CAMK2D: variants seen among roughly 807,000 people sequenced by gnomAD.
CAMK2D encodes the protein calcium/calmodulin-dependent protein kinase type II subunit delta.
CAMK2D carries 37 observed loss-of-function variants against 84.0 expected under a neutral mutation model. The observed-to-expected ratio is 0.44, with a 90% confidence interval of 0.34 to 0.58. The LOEUF (loss-of-function observed/expected upper bound fraction) is 0.58, where lower values mean the gene tolerates loss of function less well. CAMK2D is among the 20% of genes least tolerant of loss of function. The pLI, the probability that CAMK2D is intolerant of heterozygous loss-of-function variation, is 0.02. For missense variants in CAMK2D, 448 were observed against 652.5 expected (o/e 0.69, Z 3.41); for synonymous variants, 202 against 212.5 (o/e 0.95, Z 0.43).
chr4:113,462,310 G>GTCTA (rs1328480311), intron 17 of CAMK2D, among the ~76,000 whole-genome samples: 48 of 109,036 alleles, frequency 4.4e-4, no homozygotes, highest in Admixed American at 9.7e-4. Flanking sequence ...CTGTCTGTCT[G>GTCTA]TCTGTCTGTC....
At chr4:113,513,568 G>A (rs752162894) in intron 11 of CAMK2D, among the ~76,000 whole-genome samples, 198 bp from the exon 12 acceptor site, 1 of 152,068 alleles carries the variant, frequency 6.6e-6, no homozygotes, top group African/African-American at 2.4e-5. Context: ...CCTAGTGTGC[G>A]GGCCAGATTC....
At chr4:113,611,022 C>T (rs2154267976) in intron 3 of CAMK2D, among the ~76,000 whole-genome samples, 1 of 147,592 alleles carries the variant, frequency 6.8e-6, no homozygotes, top group Non-Finnish European at 1.5e-5. Flanking sequence ...CCAAAGATAG[C>T]TATATATATG....
At chr4:113,487,735 A>G (rs1469642863) in intron 16 of CAMK2D, among the ~76,000 whole-genome samples, 1 of 152,056 alleles carries the variant, frequency 6.6e-6, no homozygotes, top group Non-Finnish European at 1.5e-5. Flanking sequence ...AAGATTTCCT[A>G]AAACTGTAGC....
At chr4:113,508,329 G>A in intron 13 of CAMK2D, 1 of 1,193,170 alleles carries the variant, frequency 8.4e-7, no homozygotes, top group South Asian at 1.3e-5. Flanking sequence ...TGAATTTAGA[G>A]TATCAAAGCA....
intron 3 of CAMK2D, among the ~76,000 whole-genome samples, chr4:113,660,738 A>C (rs1047266277): frequency 6.6e-6 from 1 of 151,806 alleles, no homozygotes; most frequent in African/African-American, 2.4e-5. Context: ...TAGCTGAGTA[A>C]AGTGATGACA....
chr4:113,528,517 G>A (rs2098436956), intron 8 of CAMK2D, among the ~76,000 whole-genome samples: 1 of 152,062 alleles, frequency 6.6e-6, no homozygotes, highest in African/African-American at 2.4e-5. Context: ...AAAGGCAGAA[G>A]AGGCTGGAAA....
chr4:113,685,380 T>C (rs1232751909), intron 2 of CAMK2D, among the ~76,000 whole-genome samples: 1 of 151,760 alleles, frequency 6.6e-6, no homozygotes, highest in South Asian at 2.1e-4. Flanking sequence ...GCTGGAACTA[T>C]AGGCGTGCGC....
chr4:113,749,577 C>T (rs1170771483), intron 2 of CAMK2D, among the ~76,000 whole-genome samples: 1 of 152,044 alleles, frequency 6.6e-6, no homozygotes, highest in Non-Finnish European at 1.5e-5. Flanking sequence ...TAATCAGATA[C>T]CTCTGTAGAA....
At chr4:113,710,325 T>C (rs930881304) in intron 2 of CAMK2D, among the ~76,000 whole-genome samples, 1 of 152,122 alleles carries the variant, frequency 6.6e-6, no homozygotes, top group African/African-American at 2.4e-5. Flanking sequence ...AAATTTAAGA[T>C]ATGCAAACTG....
chr4:113,697,606 A>G (rs1201857982), intron 2 of CAMK2D, among the ~76,000 whole-genome samples: 1 of 152,094 alleles, frequency 6.6e-6, no homozygotes, highest in East Asian at 1.9e-4. Context: ...TCATTTGCTG[A>G]CATCTCTCAA....
chr4:113,638,140 C>T (rs2099117327), intron 3 of CAMK2D, among the ~76,000 whole-genome samples: 1 of 152,284 alleles, frequency 6.6e-6, no homozygotes, highest in East Asian at 1.9e-4. Flanking sequence ...TCAAATAATT[C>T]TGTGCATTTA....
chr4:113,535,413 T>A (rs375262320), intron 7 of CAMK2D, among the ~76,000 whole-genome samples: 3 of 152,342 alleles, frequency 2.0e-5, no homozygotes, highest in African/African-American at 7.2e-5. Flanking sequence ...AACTGGGTCC[T>A]TGCTTGCAGA....
chr4:113,532,069 T>G (rs1283278627), intron 7 of CAMK2D, among the ~76,000 whole-genome samples: 1 of 152,160 alleles, frequency 6.6e-6, no homozygotes, highest in African/African-American at 2.4e-5. Context: ...ATAATGGAAT[T>G]TCTCCAACCA....
chr4:113,477,488 G>C (rs532474498), intron 16 of CAMK2D, among the ~76,000 whole-genome samples: 65 of 151,314 alleles, frequency 4.3e-4, no homozygotes, highest in African/African-American at 1.5e-3. Flanking sequence ...GCCCATGCCT[G>C]TAATCCCAGC....
chr4:113,650,892 A>G (rs1033131140), intron 3 of CAMK2D, among the ~76,000 whole-genome samples: 23 of 152,348 alleles, frequency 1.5e-4, no homozygotes, highest in Admixed American at 7.2e-4. Context: ...AAGACATCCT[A>G]CACTTCAAAA....
At chr4:113,497,264 A>G (rs2097949348) in intron 16 of CAMK2D, among the ~76,000 whole-genome samples, 2 of 152,202 alleles carry the variant, frequency 1.3e-5, no homozygotes, top group Admixed American at 1.3e-4. Context: ...ACTCTGGTGC[A>G]TTCAAATCTC....
intron 2 of CAMK2D, among the ~76,000 whole-genome samples, chr4:113,733,061 A>ACT (rs1404372410): frequency 5.3e-5 from 8 of 152,154 alleles, no homozygotes; most frequent in African/African-American, 1.7e-4. Flanking sequence ...GCCCCTGGAG[A>ACT]AGTTTTGAAG....
chr4:113,686,479 T>C lies in CAMK2D; in HGVS notation c.161-24707A>G, dbSNP rs368112921. Among the ~76,000 whole-genome samples the C allele has an allele frequency of 2.6e-5, 4 of 152,352 alleles. No individual in the cohort carries two copies. The East Asian group carries it at 7.7e-4, about 29-fold the overall frequency. On this transcript the variant is annotated intron_variant, in intron 2 of 20. Coordinates refer to ENST00000511664, the MANE Select transcript of CAMK2D (RefSeq NM_001321571.2). ...CTCAAAATCTTAAGTAAGGTACCCT[T>C]CTAATTGCCATAATAATTCAAACAT...
intron 2 of CAMK2D, among the ~76,000 whole-genome samples, chr4:113,693,766 T>C (rs1411904026): frequency 6.6e-6 from 1 of 152,174 alleles, no homozygotes; most frequent in Non-Finnish European, 1.5e-5. Context: ...TCAATAAAAA[T>C]GCTTTCATTT....
Sources: allele counts gnomAD v4.1 joint callset (sites outside exome capture counted in the v4.1 genomes callset), GRCh38; gene constraint gnomAD v4.1.1; transcripts MANE v1.5; gene names NCBI Gene and HGNC (gene_info 2026-07-23, HGNC 2026-07-21).